GALNTL6: variants seen among roughly 807,000 people sequenced by gnomAD.
GALNTL6 encodes the protein polypeptide N-acetylgalactosaminyltransferase-like 6.
Under a neutral mutation model 73.7 loss-of-function variants are expected in GALNTL6, and 46 were observed. That is an observed-to-expected ratio of 0.62 (90% CI 0.49 to 0.80). GALNTL6 has a LOEUF of 0.80. GALNTL6 is among the 30% of genes least tolerant of loss of function. The pLI is 0.00. For missense variants in GALNTL6, 604 were observed against 755.0 expected (o/e 0.80, Z 2.34); for synonymous variants, 259 against 263.7 (o/e 0.98, Z 0.17).
intron 2 of GALNTL6, among the ~76,000 whole-genome samples, chr4:171,859,036 A>C (rs556835042): frequency 6.6e-6 from 1 of 152,218 alleles, no homozygotes; most frequent in African/African-American, 2.4e-5. Flanking sequence ...TTTCCATGTA[A>C]ATGCTAATGT....
At chr4:172,096,642 A>G (rs955036377) in intron 2 of GALNTL6, among the ~76,000 whole-genome samples, 1 of 152,094 alleles carries the variant, frequency 6.6e-6, no homozygotes, top group Admixed American at 6.5e-5. Context: ...ACAAATAATT[A>G]ATTTTTTTCT....
intron 5 of GALNTL6, among the ~76,000 whole-genome samples, chr4:172,533,316 ATTTTTTTTT>A (rs34973148): frequency 5.2e-5 from 4 of 77,394 alleles, no homozygotes; most frequent in South Asian, 5.3e-4. Flanking sequence ...CCCGGCCAGA[ATTTTTTTTT>A]TTTTTTTTTT....
intron 2 of GALNTL6, among the ~76,000 whole-genome samples, chr4:172,117,145 C>T (rs1028950830): frequency 5.9e-5 from 9 of 152,056 alleles, no homozygotes; most frequent in Admixed American, 4.6e-4. Context: ...GCAAAAACAA[C>T]GTAATAAACT....
intron 2 of GALNTL6, among the ~76,000 whole-genome samples, chr4:172,195,787 C>A (rs1448938763): frequency 6.6e-6 from 1 of 152,074 alleles, no homozygotes; most frequent in African/African-American, 2.4e-5. Context: ...GCAGCTAAAG[C>A]AGTGTTAAGA....
chr4:172,537,564 T>C (rs771530952), intron 5 of GALNTL6, among the ~76,000 whole-genome samples: 8 of 152,216 alleles, frequency 5.3e-5, no homozygotes, highest in Non-Finnish European at 1.0e-4. Context: ...CTCTTTTTCT[T>C]TATAAATTAT....
At chr4:172,731,320 T>C (rs894322774) in intron 5 of GALNTL6, among the ~76,000 whole-genome samples, 1 of 152,104 alleles carries the variant, frequency 6.6e-6, no homozygotes, top group Non-Finnish European at 1.5e-5. Context: ...TTTCTTCTAG[T>C]TTTTTCATTG....
At chr4:172,391,406 T>C (rs946624732) in intron 5 of GALNTL6, among the ~76,000 whole-genome samples, 7 of 152,160 alleles carry the variant, frequency 4.6e-5, no homozygotes, top group African/African-American at 7.2e-5. Context: ...CGTGTCATGA[T>C]CATAACTCAC....
At chr4:172,531,570 T>C (rs893266957) in intron 5 of GALNTL6, among the ~76,000 whole-genome samples, 5 of 152,188 alleles carry the variant, frequency 3.3e-5, no homozygotes, top group Non-Finnish European at 7.3e-5. Flanking sequence ...CCACTACACA[T>C]GGACAACCCT....
intron 2 of GALNTL6, among the ~76,000 whole-genome samples, chr4:171,947,208 C>A (rs1202704242): frequency 6.6e-6 from 1 of 152,082 alleles, no homozygotes; most frequent in Admixed American, 6.6e-5. Flanking sequence ...TCATTCACCT[C>A]TTTTGCTTTC....
chr4:172,966,083 A>G (rs1750312594), intron 10 of GALNTL6, among the ~76,000 whole-genome samples: 1 of 152,248 alleles, frequency 6.6e-6, no homozygotes, highest in African/African-American at 2.4e-5. Context: ...AAGAGAATTG[A>G]ATAGAATTCA....
Position 172,809,465 on chromosome 4 carries a change from G to A in GALNTL6, c.658G>A (p.Ala220Thr). The A allele has an allele frequency of 6.2e-7, 1 of 1,613,826 alleles. No homozygotes were observed. The highest frequency in any genetic ancestry group is 8.5e-7 in the Non-Finnish European group (1 of 1,179,810). Reference protein sequence around the residue: ...EGLIRTRLLGASMARGEVLTF... With the variant: ...EGLIRTRLLGTSMARGEVLTF... Reference sequence around the variant, plus strand: ...ACTCATCCGGACCCGTCTCCTGGGGGCATCTATGGCCAGAGGAGAAGTCCT... The same window carrying A: ...ACTCATCCGGACCCGTCTCCTGGGGACATCTATGGCCAGAGGAGAAGTCCT... Residue 220 changes from alanine to threonine, a missense_variant, in exon 6 of 13, where the codon GCA (alanine) becomes ACA (threonine). Ala to Thr is a moderately conservative substitution (Grantham distance 58, BLOSUM62 0). This residue lies in a region of GALNTL6 where 179 missense variants were observed against 230.8 expected (regional missense o/e 0.78). Transcript: ENST00000506823. The surrounding 1 kb of genome is among the most constrained non-coding windows in gnomAD (Gnocchi z 4.4).
intron 2 of GALNTL6, among the ~76,000 whole-genome samples, chr4:172,097,066 A>T (rs1464887881): frequency 6.6e-6 from 1 of 152,168 alleles, no homozygotes; most frequent in Non-Finnish European, 1.5e-5. Context: ...CACTCTCAAC[A>T]ACTGAGTTTT....
intron 3 of GALNTL6, among the ~76,000 whole-genome samples, chr4:172,304,487 T>G (rs1578933790): frequency 6.6e-6 from 1 of 152,162 alleles, no homozygotes. Context: ...TTTAATTGTG[T>G]TAATTATGAA....
chr4:172,124,766 T>C (rs1733250169), intron 2 of GALNTL6, among the ~76,000 whole-genome samples: 2 of 152,118 alleles, frequency 1.3e-5, no homozygotes, highest in South Asian at 4.1e-4. Context: ...TTTAATCAGA[T>C]GTAGTAAGAC....
chr4:172,799,248 T>C (rs561162524), intron 5 of GALNTL6, among the ~76,000 whole-genome samples: 2 of 152,334 alleles, frequency 1.3e-5, no homozygotes, highest in East Asian at 3.9e-4. Context: ...TGATGTTAAG[T>C]ACTCTATAGT....
intron 2 of GALNTL6, among the ~76,000 whole-genome samples, chr4:171,959,440 T>C (rs1739150255): frequency 6.6e-6 from 1 of 152,198 alleles, no homozygotes. Context: ...AATTCTAATA[T>C]TTGTTAAATT....
chr4:172,972,560 G>A (rs1750630100), intron 10 of GALNTL6, among the ~76,000 whole-genome samples: 1 of 152,208 alleles, frequency 6.6e-6, no homozygotes, highest in Non-Finnish European at 1.5e-5. Flanking sequence ...CAATCAGTGA[G>A]CACACCTAGC....
chr4:172,336,541 C>T (rs1741333880), intron 4 of GALNTL6, among the ~76,000 whole-genome samples: 1 of 151,662 alleles, frequency 6.6e-6, no homozygotes, highest in South Asian at 2.1e-4. Flanking sequence ...TCCCAAAGTG[C>T]TGGGATTACA....
intron 2 of GALNTL6, among the ~76,000 whole-genome samples, chr4:172,008,298 CTG>C (rs1740897721): frequency 6.6e-6 from 1 of 152,066 alleles, no homozygotes; most frequent in Non-Finnish European, 1.5e-5. Flanking sequence ...TTTAAAGTCT[CTG>C]TATGTTTTTG....
Sources: gnomAD v4.1 joint callset for allele counts (sites outside exome capture counted in the v4.1 genomes callset) on GRCh38, gnomAD v4.1.1 for gene constraint, gnomAD v4.1.1 regional missense constraint, Gnocchi (gnomAD v3.1) non-coding constraint, MANE v1.5 for transcripts, NCBI Gene and HGNC (gene_info 2026-07-23, HGNC 2026-07-21) for gene names.